The following MARCHF1 variants were observed in gnomAD, a reference collection of about 807,000 sequenced individuals.
The protein encoded by MARCHF1 is E3 ubiquitin-protein ligase MARCHF1.
In MARCHF1, 40 loss-of-function variants were observed where a neutral mutation model predicts 54.2. The observed-to-expected ratio is 0.74, with a 90% CI of 0.57 to 0.96. MARCHF1 has a LOEUF of 0.96. Among genes scored for constraint, MARCHF1 ranks in the 40% least tolerant of loss-of-function variants. The pLI is 0.00. For missense variants in MARCHF1, 586 were observed against 656.5 expected (o/e 0.89, Z 1.17); for synonymous variants, 236 against 236.3 (o/e 1.00, Z 0.01).
At chr4:163,709,648 G>T (rs1039157761) in intron 4 of MARCHF1, among the ~76,000 whole-genome samples, 5 of 152,162 alleles carry the variant, frequency 3.3e-5, no homozygotes, top group African/African-American at 1.2e-4. Context: ...ACAGGACCTG[G>T]AATATACAGG....
At chr4:163,699,521 C>A (rs889447471) in intron 5 of MARCHF1, among the ~76,000 whole-genome samples, 2 of 152,062 alleles carry the variant, frequency 1.3e-5, no homozygotes, top group Non-Finnish European at 2.9e-5. Flanking sequence ...CCTTTTGATT[C>A]TGAAAACAGA....
intron 1 of MARCHF1, among the ~76,000 whole-genome samples, chr4:164,351,824 G>A (rs28757326): frequency 6.6e-6 from 1 of 151,202 alleles, no homozygotes; most frequent in South Asian, 2.1e-4. Flanking sequence ...AGCTACGGGA[G>A]GACATTCAAA....
At chr4:163,674,283 C>A (rs1743830699) in intron 5 of MARCHF1, among the ~76,000 whole-genome samples, 1 of 152,146 alleles carries the variant, frequency 6.6e-6, no homozygotes, top group South Asian at 2.1e-4. Flanking sequence ...CAACACTATG[C>A]AATCTACCCG....
At chr4:163,913,550 G>A (rs531386268) in intron 3 of MARCHF1, among the ~76,000 whole-genome samples, 25 of 152,186 alleles carry the variant, frequency 1.6e-4, no homozygotes, top group Admixed American at 7.9e-4. Context: ...ATGGGAATAC[G>A]TCAGGAAATT....
At position 164,081,527 on chromosome 4, in the gene MARCHF1, C is replaced by A. The variant is rs185587578; in HGVS notation, c.-248+30061G>T. ...GTAAAGAAGAGGACATTCTCCGAAGCCTGGGAACTCCTGGGGAGAGAGGAA... is the reference window on the plus strand; with the variant it reads ...GTAAAGAAGAGGACATTCTCCGAAGACTGGGAACTCCTGGGGAGAGAGGAA... On this transcript the variant is annotated intron_variant, in intron 2 of 9. Coordinates refer to ENST00000514618, the MANE Select transcript of MARCHF1 (RefSeq NM_001394959.1). 5.2e-3 allele frequency among the ~76,000 whole-genome samples: 788 copies of A among 152,190 alleles called. 4 individuals are homozygous for A. Among genetic ancestry groups the A allele is most frequent in the Middle Eastern group, 0.014 (4 of 294 alleles).
At chr4:163,969,674 T>C (rs930689830) in intron 3 of MARCHF1, among the ~76,000 whole-genome samples, 11 of 152,180 alleles carry the variant, frequency 7.2e-5, no homozygotes, top group African/African-American at 2.7e-4. Flanking sequence ...AACAGAAATA[T>C]ATGCTACACG....
At chr4:164,229,376 CTG>C (rs1044976614) in intron 1 of MARCHF1, among the ~76,000 whole-genome samples, 4 of 152,158 alleles carry the variant, frequency 2.6e-5, no homozygotes, top group African/African-American at 7.2e-5. Flanking sequence ...ATAAGCAACA[CTG>C]TGGAAAGGCC....
chr4:164,072,947 G>A (rs1471066027), intron 2 of MARCHF1, among the ~76,000 whole-genome samples: 1 of 152,134 alleles, frequency 6.6e-6, no homozygotes, highest in Non-Finnish European at 1.5e-5. Context: ...GATATCAAGC[G>A]CAATACAATT....
intron 2 of MARCHF1, among the ~76,000 whole-genome samples, chr4:164,010,128 G>A (rs1479020514): frequency 2.1e-5 from 3 of 140,056 alleles, no homozygotes; most frequent in East Asian, 2.2e-4. Context: ...CTGCAGTGGC[G>A]CAATCTCGGC....
chr4:164,382,772 T>A (rs1731410939), intron 1 of MARCHF1, among the ~76,000 whole-genome samples: 1 of 152,216 alleles, frequency 6.6e-6, no homozygotes, highest in Admixed American at 6.5e-5. Flanking sequence ...GGTGTTGGCA[T>A]GTTGGCTATA....
chr4:163,738,825 T>A (rs1746118489), intron 4 of MARCHF1, among the ~76,000 whole-genome samples: 1 of 152,198 alleles, frequency 6.6e-6, no homozygotes, highest in Non-Finnish European at 1.5e-5. Flanking sequence ...AAGCATATTT[T>A]AAACTACAAA....
intron 5 of MARCHF1, among the ~76,000 whole-genome samples, chr4:163,619,236 T>C (rs1223758792): frequency 6.6e-6 from 1 of 152,148 alleles, no homozygotes. Context: ...TAAATCTGGG[T>C]ACTAGAAAGG....
chr4:164,033,590 C>T (rs1579477051), intron 2 of MARCHF1, among the ~76,000 whole-genome samples: 1 of 152,204 alleles, frequency 6.6e-6, no homozygotes, highest in East Asian at 1.9e-4. Context: ...AAAAAACAAA[C>T]AATCCCATCA....
intron 2 of MARCHF1, among the ~76,000 whole-genome samples, chr4:164,076,003 C>A (rs1392718575): frequency 6.6e-6 from 1 of 152,100 alleles, no homozygotes; most frequent in Non-Finnish European, 1.5e-5. Context: ...GCCATGAATG[C>A]AGTTAAAAAT....
intron 1 of MARCHF1, among the ~76,000 whole-genome samples, chr4:164,299,302 T>TA (rs1156957249): frequency 1.3e-5 from 2 of 152,088 alleles, no homozygotes; most frequent in African/African-American, 4.8e-5. Context: ...ATCTGTGTTT[T>TA]AATGGAGGAG....
rs1489440751 is a variant in MARCHF1, at chr4:163,526,496, G to C, written c.*2252C>G. On this transcript the variant is annotated 3_prime_UTR_variant, in exon 10 of 10. Coordinates refer to ENST00000514618, the MANE Select transcript of MARCHF1 (RefSeq NM_001394959.1). ...GGAAAATGGATTAGTAAAAAGCTTA[G>C]GACAATTAACAGGAAAATTGCATTA... 6.6e-6 allele frequency: 1 copy of C among 151,950 alleles called. No individual in the cohort carries two copies. Among genetic ancestry groups the C allele is most frequent in the Non-Finnish European group, 1.5e-5 (1 of 67,928 alleles). 9.4% of individuals were successfully genotyped at this position (151,950 alleles called of 1,614,324 possible).
In MARCHF1 at chr4:163,797,409, T is replaced by C. The variant is rs114441266; in HGVS notation, c.111+56612A>G. On this transcript the variant is annotated intron_variant, in intron 4 of 9. Transcript: ENST00000514618. Reference sequence around the variant, plus strand: ...GTGAGATTTTTTGGGCTTCTTGATATGGAGTTGGTATTTTCAACAATTCTT... The same window carrying C: ...GTGAGATTTTTTGGGCTTCTTGATACGGAGTTGGTATTTTCAACAATTCTT... Among the ~76,000 whole-genome samples the C allele has an allele frequency of 9.3e-3, 1,416 of 151,924 alleles. 12 individuals carry two copies. Among genetic ancestry groups the C allele is most frequent in the African/African-American group, 0.024 (977 of 41,484 alleles).
intron 4 of MARCHF1, among the ~76,000 whole-genome samples, chr4:163,744,882 T>C (rs1009942096): frequency 2.0e-5 from 3 of 152,054 alleles, no homozygotes; most frequent in Non-Finnish European, 4.4e-5. Context: ...AGAAATATAA[T>C]ATAGAAATTA....
In MARCHF1 at chr4:164,088,410, G is replaced by T. The variant is rs538275547; in HGVS notation, c.-248+23178C>A. On this transcript the variant is annotated intron_variant, in intron 2 of 9. Transcript: ENST00000514618. ...TAACATAAAATATTATTCATAATCT[G>T]GGGTGAAGGCTCAGAAAGCATCTGT... Among the ~76,000 whole-genome samples the T allele has an allele frequency of 2.0e-5, 3 of 152,212 alleles. No homozygotes were observed. The South Asian group carries it at 6.2e-4, about 32-fold the overall frequency.
Sources: gnomAD v4.1 joint callset for allele counts (sites outside exome capture counted in the v4.1 genomes callset) on GRCh38, gnomAD v4.1.1 for gene constraint, MANE v1.5 for transcripts, NCBI Gene and HGNC (gene_info 2026-07-23, HGNC 2026-07-21) for gene names.